The following CHL1 variants were observed in gnomAD, a reference collection of about 807,000 sequenced individuals.
The protein encoded by CHL1 is neural cell adhesion molecule L1-like protein.
Under a neutral mutation model 141.9 loss-of-function variants are expected in CHL1, and 96 were observed. That is an observed-to-expected ratio of 0.68 (90% confidence interval 0.57 to 0.80). The LOEUF is 0.80. CHL1 is among the 30% of genes least tolerant of loss of function. CHL1 has a pLI of 0.00. For synonymous variants in CHL1, 613 were observed against 502.2 expected, an observed-to-expected ratio of 1.22 and a Z score of -2.95; for missense variants, 1,820 against 1,457.2, an observed-to-expected ratio of 1.25 and a Z score of -4.05.
chr3:241,539 G>C (rs1413865849), intron 1 of CHL1, among the ~76,000 whole-genome samples: 2 of 150,960 alleles, frequency 1.3e-5, no homozygotes, highest in African/African-American at 4.9e-5. Context: ...ACTGTATCTT[G>C]CTCTTCAGCA....
At chr3:219,741 T>C (rs1700658307) in intron 1 of CHL1, among the ~76,000 whole-genome samples, 1 of 152,118 alleles carries the variant, frequency 6.6e-6, no homozygotes, top group Non-Finnish European at 1.5e-5. Flanking sequence ...AATTAACTAA[T>C]GGGAACTAGG....
At chr3:238,116 A>G (rs191245161) in intron 1 of CHL1, among the ~76,000 whole-genome samples, 49 of 152,328 alleles carry the variant, frequency 3.2e-4, no homozygotes, top group Middle Eastern at 3.4e-3. Context: ...CCTAGGGAAT[A>G]TTATGTGCCT....
At chr3:376,628 G>T (rs188510125) in intron 15 of CHL1, among the ~76,000 whole-genome samples, 28 of 152,260 alleles carry the variant, frequency 1.8e-4, no homozygotes, top group Non-Finnish European at 3.1e-4. Context: ...GCTACTATGG[G>T]CCCTCGTGCA....
chr3:326,116 G>A (rs781306726), intron 4 of CHL1, 52 bp downstream of exon 4: 4 of 1,095,424 alleles, frequency 3.7e-6, no homozygotes, highest in Non-Finnish European at 5.6e-6. Flanking sequence ...TGTTCTTTAT[G>A]CTGCTCTTTA....
chr3:314,317 C>T (rs1187067101), intron 2 of CHL1, among the ~76,000 whole-genome samples: 1 of 112,352 alleles, frequency 8.9e-6, no homozygotes, highest in East Asian at 2.6e-4. Flanking sequence ...CTTTCTCTCT[C>T]TCTCTCTATG....
chr3:276,693 T>G lies in CHL1; in HGVS notation c.-95+32001T>G, dbSNP rs936745497. Among the ~76,000 whole-genome samples, 19 of 151,708 alleles carry G rather than the reference T, an allele frequency of 1.3e-4. No individual in the cohort carries two copies. The East Asian group carries it at 3.5e-3, about 28-fold the overall frequency. On this transcript the variant is annotated intron_variant, in intron 2 of 27. Coordinates refer to ENST00000256509, the MANE Select transcript of CHL1 (RefSeq NM_006614.4). The stretch of plus-strand genomic sequence containing the variant: ...TCACGAGGTCAGGAGATTGAGACCG[T>G]CCTGGCTAACAGGGTGAAATCCCTT...
At chr3:350,474 G>T (rs1703148391) in intron 10 of CHL1, among the ~76,000 whole-genome samples, 1 of 152,126 alleles carries the variant, frequency 6.6e-6, no homozygotes, top group Non-Finnish European at 1.5e-5. Flanking sequence ...GCTACTGAAA[G>T]GAATTATTCT....
intron 1 of CHL1, among the ~76,000 whole-genome samples, chr3:235,295 G>A (rs1429175552): frequency 6.6e-6 from 1 of 151,990 alleles, no homozygotes; most frequent in Non-Finnish European, 1.5e-5. Flanking sequence ...CTCCATCCTG[G>A]AGAAATGGTC....
chr3:220,358 A>G (rs1176054414), intron 1 of CHL1, among the ~76,000 whole-genome samples: 1 of 152,162 alleles, frequency 6.6e-6, no homozygotes, highest in Non-Finnish European at 1.5e-5. Context: ...AGTTCCAGCT[A>G]CTCAGGAGGC....
intron 1 of CHL1, among the ~76,000 whole-genome samples, chr3:213,876 T>C (rs893481129): frequency 2.6e-5 from 4 of 152,140 alleles, no homozygotes. Flanking sequence ...TCTAGTACCA[T>C]TTGAAAAAAC....
At chr3:227,132 C>T (rs1478172232) in intron 1 of CHL1, among the ~76,000 whole-genome samples, 1 of 152,148 alleles carries the variant, frequency 6.6e-6, no homozygotes, top group Non-Finnish European at 1.5e-5. Flanking sequence ...CCATCCCATG[C>T]ACATCTTACT....
intron 24 of CHL1, among the ~76,000 whole-genome samples, chr3:397,513 C>T (rs1174681962): frequency 6.6e-6 from 1 of 151,988 alleles, no homozygotes; most frequent in Admixed American, 6.6e-5. Context: ...CCCAGCAAAG[C>T]TGTGGATCAC....
intron 11 of CHL1, among the ~76,000 whole-genome samples, chr3:357,116 C>T (rs940656666): frequency 6.6e-6 from 1 of 152,086 alleles, no homozygotes; most frequent in African/African-American, 2.4e-5. Flanking sequence ...TAAACTTATG[C>T]GAGACCACAC....
In CHL1 at chr3:361,748, G is replaced by T. The variant is rs2125266304; in HGVS notation, c.1356G>T (p.Val452=). The T allele has an allele frequency of 6.2e-7, 1 of 1,613,652 alleles. No individual in the cohort carries two copies. The highest frequency in any genetic ancestry group is 2.2e-5 in the East Asian group (1 of 44,874). Reference sequence around the variant, plus strand: ...AAGATGGAGAAAATTACGCTACAGTGGTTGGGTACAGTGCTTTCTTACATT... The same window carrying T: ...AAGATGGAGAAAATTACGCTACAGTTGTTGGGTACAGTGCTTTCTTACATT... ...QTKDGENYAT[V]VGYSAFLHCE... The change falls in exon 13 of 28, where the codon GTG becomes GTT. Residue 452 remains valine (V), a synonymous_variant. Transcript: ENST00000256509.
Position 363,302 on chromosome 3 carries a change from G to A in CHL1, c.1504G>A (p.Glu502Lys), listed in dbSNP as rs143674187. The A allele has an allele frequency of 1.1e-3, 1,768 of 1,613,636 alleles. 2 individuals are homozygous for A. The highest frequency in any genetic ancestry group is 1.4e-3 in the Non-Finnish European group (1,636 of 1,179,708). The change falls in exon 14 of 28, where the codon GAA becomes AAA. Residue 502 changes from glutamate (E) to lysine (K), a missense_variant. By Grantham distance (56) the Glu-to-Lys change is moderately conservative. Coordinates refer to ENST00000256509, the MANE Select transcript of CHL1 (RefSeq NM_006614.4). ...CACATTGCAGATCAACAGAACCACC[G>A]AAGAAGATGCTGGGTCTTACTCATG... ...NGTLQINRTT[E>K]EDAGSYSCWV...
chr3:361,752 G>A lies in CHL1; in HGVS notation c.1360G>A (p.Gly454Arg). 2 of 1,613,666 alleles carry A rather than the reference G, an allele frequency of 1.2e-6. No homozygotes were observed. The highest frequency in any genetic ancestry group is 1.7e-6 in the Non-Finnish European group (2 of 1,179,622). The part of the protein sequence containing the change: ...KDGENYATVV[G>R]YSAFLHCEFF... ...TGGAGAAAATTACGCTACAGTGGTT[G>A]GGTACAGTGCTTTCTTACATTGCGA... The change falls in exon 13 of 28, where the codon GGG becomes AGG. Residue 454 changes from glycine (G) to arginine (R), a missense_variant. Coordinates refer to ENST00000256509, the MANE Select transcript of CHL1 (RefSeq NM_006614.4).
At chr3:323,582 G>C (rs921417845) in intron 3 of CHL1, among the ~76,000 whole-genome samples, 1 of 152,094 alleles carries the variant, frequency 6.6e-6, no homozygotes, top group South Asian at 2.1e-4. Context: ...ACAATCATCA[G>C]AAAGGACTCT....
At chr3:392,390 CA>C (rs1261648775) in intron 23 of CHL1, among the ~76,000 whole-genome samples, 4 of 152,202 alleles carry the variant, frequency 2.6e-5, no homozygotes, top group Admixed American at 6.5e-5. Context: ...GATGATATTG[CA>C]AGGACTAAAT....
rs193238926 is a variant in CHL1 at position 354,634 on chromosome 3, A to G, written c.1034-6A>G. ...ATCTCTCATGAGCTCTTCACTTTACATCCAGAGCCTCCTCGCTGGACAAAG... is the reference window on the plus strand; with the variant it reads ...ATCTCTCATGAGCTCTTCACTTTACGTCCAGAGCCTCCTCGCTGGACAAAG... On this transcript the variant is annotated splice_polypyrimidine_tract_variant and splice_region_variant and intron_variant, in intron 10 of 27. Coordinates refer to ENST00000256509, the MANE Select transcript of CHL1 (RefSeq NM_006614.4). 1 of 1,609,034 alleles carries G rather than the reference A, an allele frequency of 6.2e-7. No homozygotes were observed. The highest frequency in any genetic ancestry group is 1.3e-5 in the African/African-American group (1 of 74,700).
Sources: gnomAD v4.1 joint callset for allele counts (sites outside exome capture counted in the v4.1 genomes callset) on GRCh38, gnomAD v4.1.1 for gene constraint, MANE v1.5 for transcripts, NCBI Gene and HGNC (gene_info 2026-07-23, HGNC 2026-07-21) for gene names.